PTGER3: variants seen among roughly 807,000 people sequenced by gnomAD.
PTGER3 encodes prostaglandin E receptor 3.
PTGER3 carries 22 observed loss-of-function variants against 34.7 expected under a neutral mutation model. That is an observed-to-expected ratio of 0.63 (90% confidence interval 0.45 to 0.91). PTGER3 has a LOEUF of 0.91. PTGER3 is among the 40% of genes least tolerant of loss of function. The pLI, the probability that PTGER3 is intolerant of heterozygous loss-of-function variation, is 0.00. For missense variants in PTGER3, 468 were observed against 519.4 expected (o/e 0.90, Z 0.96); for synonymous variants, 241 against 230.1 (o/e 1.05, Z -0.43).
At chr1:70,986,839 T>C (rs1654970092) in intron 2 of PTGER3, among the ~76,000 whole-genome samples, 1 of 152,056 alleles carries the variant, frequency 6.6e-6, no homozygotes, top group African/African-American at 2.4e-5. Context: ...TAACCCAAAA[T>C]GAGAAAATAA....
chr1:70,914,922 G>A (rs1056492448), intron 4 of PTGER3, among the ~76,000 whole-genome samples: 4 of 151,848 alleles, frequency 2.6e-5, no homozygotes, highest in African/African-American at 9.7e-5. Context: ...GCCTAGTTTA[G>A]ACATTTATTA....
intron 1 of PTGER3, among the ~76,000 whole-genome samples, chr1:71,019,260 A>G (rs570949422): frequency 3.9e-5 from 6 of 152,200 alleles, no homozygotes; most frequent in Non-Finnish European, 4.4e-5. Flanking sequence ...GCTAACAGAG[A>G]GGCTGTTTAC....
At chr1:71,034,219 C>T (rs910409174) in intron 1 of PTGER3, among the ~76,000 whole-genome samples, 2 of 152,078 alleles carry the variant, frequency 1.3e-5, no homozygotes, top group Non-Finnish European at 2.9e-5. Context: ...ATGATTTATA[C>T]TAGCAGGGAA....
chr1:70,962,528 G>C (rs1652045046), intron 2 of PTGER3, among the ~76,000 whole-genome samples: 2 of 152,166 alleles, frequency 1.3e-5, no homozygotes, highest in Admixed American at 1.3e-4. Context: ...ATATGTCTGG[G>C]GAAGCCTCAC....
downstream of PTGER3, among the ~76,000 whole-genome samples, chr1:70,951,709 T>A (rs1343152794): frequency 1.3e-5 from 2 of 152,160 alleles, no homozygotes; most frequent in African/African-American, 2.4e-5. Context: ...CACTAATATT[T>A]CCTTAGCACC....
intron 4 of PTGER3, chr1:70,869,171 G>A (rs1646109069): frequency 1.5e-5 from 6 of 408,890 alleles, no homozygotes; most frequent in Middle Eastern, 3.6e-4. Flanking sequence ...AAGAGCAAGA[G>A]AGACTGTATG....
At chr1:70,947,582 T>C (rs1414519422), downstream of PTGER3, 1 of 152,138 alleles carries the variant, frequency 6.6e-6, no homozygotes. Flanking sequence ...TTTTTCTTTC[T>C]TTCTTTTTCT....
intron 4 of PTGER3, among the ~76,000 whole-genome samples, chr1:70,929,575 T>C (rs1289504883): frequency 6.6e-6 from 1 of 152,174 alleles, no homozygotes; most frequent in Non-Finnish European, 1.5e-5. Context: ...AAAACAGGTC[T>C]CTCTGAGCAG....
chr1:71,001,797 G>T (rs1656519024), intron 2 of PTGER3, among the ~76,000 whole-genome samples: 1 of 152,172 alleles, frequency 6.6e-6, no homozygotes, highest in Admixed American at 6.5e-5. Flanking sequence ...ACAAGAACCA[G>T]CTTTCTAACG....
chr1:70,982,093 T>C (rs1298349967), intron 2 of PTGER3, among the ~76,000 whole-genome samples: 3 of 152,104 alleles, frequency 2.0e-5, no homozygotes, highest in Non-Finnish European at 1.5e-5. Flanking sequence ...TTTAATAAAA[T>C]GAATATAAAG....
chr1:70,852,864 A>T (rs1328425534), intron 4 of PTGER3: 8 of 1,612,928 alleles, frequency 5.0e-6, no homozygotes, highest in Non-Finnish European at 6.8e-6. Flanking sequence ...TTCCTCCTGG[A>T]AAACAAACAA....
At chr1:70,983,757 TTG>T (rs146824170) in intron 2 of PTGER3, among the ~76,000 whole-genome samples, 33,176 of 152,012 alleles carry the variant, frequency 0.22, 3,726 homozygotes, top group Middle Eastern at 0.28. Flanking sequence ...AGAACAATTA[TTG>T]GTATCAAAAA....
At chr1:70,993,482 C>T (rs1655653974) in intron 2 of PTGER3, among the ~76,000 whole-genome samples, 1 of 152,190 alleles carries the variant, frequency 6.6e-6, no homozygotes, top group African/African-American at 2.4e-5. Flanking sequence ...ACATTTTGTA[C>T]AGTTAGGCTA....
At chr1:71,009,739 A>G (rs1378853210) in intron 2 of PTGER3, 4 of 985,040 alleles carry the variant, frequency 4.1e-6, no homozygotes, top group African/African-American at 1.7e-5. Context: ...GTCATAATCT[A>G]TACATGCATT....
chr1:70,952,571 A>C (rs1650866481), exon 4 of PTGER3: 1 of 1,002,682 alleles, frequency 1.0e-6, no homozygotes, highest in African/African-American at 1.7e-5. Flanking sequence ...CAAATGTTAA[A>C]ATACTCTTGC....
chr1:71,006,135 T>A lies in PTGER3; in HGVS notation c.1077+6170A>T, dbSNP rs143008710. 4.5e-4 allele frequency: 438 copies of A among 970,316 alleles called. 4 individuals carry two copies. In the African/African-American group the frequency reaches 7.2e-3, roughly 16 times the overall value. The allele number at this position is 970,316 out of a possible 1,614,324, so 60.1% of individuals were successfully genotyped here. A position where few individuals can be genotyped will look rare whatever the true frequency, so the allele number is the denominator to read the frequency against. ...TGTTATCTCTCTTATCTAGCTATGA[T>A]TTTTGTATACTTTAACAAAACTCTG... On this transcript the variant is annotated intron_variant, in intron 2 of 3. Transcript: ENST00000306666.
intron 1 of PTGER3, among the ~76,000 whole-genome samples, chr1:71,037,665 A>G (rs1477472368): frequency 6.6e-6 from 1 of 152,210 alleles, no homozygotes; most frequent in Non-Finnish European, 1.5e-5. Flanking sequence ...ACAGGAAGTG[A>G]GAACTGAAAG....
chr1:70,943,845 A>AGG (rs1279551330), intron 4 of PTGER3, among the ~76,000 whole-genome samples: 7 of 115,396 alleles, frequency 6.1e-5, no homozygotes, highest in African/African-American at 1.5e-4. Flanking sequence ...AGGGAGAGAG[A>AGG]GGGAGAGAGA....
chr1:71,027,086 A>G (rs1220535842), intron 1 of PTGER3, among the ~76,000 whole-genome samples: 4 of 152,188 alleles, frequency 2.6e-5, no homozygotes, highest in African/African-American at 7.2e-5. Context: ...AACAAGTAAT[A>G]ATAAAACAGT....
Sources: gnomAD v4.1 joint callset for allele counts (sites outside exome capture counted in the v4.1 genomes callset) on GRCh38, gnomAD v4.1.1 for gene constraint, MANE v1.5 for transcripts, NCBI Gene and HGNC (gene_info 2026-07-23, HGNC 2026-07-21) for gene names.